Variants in MAEL observed in about 807,000 individuals in gnomAD.
MAEL encodes the protein maelstrom spermatogenic transposon silencer, also known as protein maelstrom homolog.
Under a neutral mutation model 62.0 loss-of-function variants are expected in MAEL, and 46 were observed. That is an observed-to-expected ratio of 0.74 (90% confidence interval 0.59 to 0.95). The LOEUF is 0.95. Ranked by LOEUF, MAEL falls within the 40% of genes least tolerant of loss-of-function variation. MAEL has a pLI of 0.00. For missense variants in MAEL, 497 were observed against 526.8 expected (o/e 0.94, Z 0.55); for synonymous variants, 172 against 175.5 (o/e 0.98, Z 0.16).
chr1:166,984,248 C>T (rs550005101), upstream of MAEL, among the ~76,000 whole-genome samples: 39 of 152,236 alleles, frequency 2.6e-4, no homozygotes, highest in East Asian at 1.5e-3. Flanking sequence ...CAATTTGAGC[C>T]CAGCCTTTCC....
At chr1:166,981,070 A>T (rs191743953) in intron 1 of MAEL, among the ~76,000 whole-genome samples, 2 of 152,328 alleles carry the variant, frequency 1.3e-5, no homozygotes, top group East Asian at 3.9e-4. Context: ...GAAGGCCAGA[A>T]CATGGAGCAC....
At chr1:167,019,705 A>G (rs1665545748) in intron 10 of MAEL, among the ~76,000 whole-genome samples, 1 of 152,018 alleles carries the variant, frequency 6.6e-6, no homozygotes, top group Non-Finnish European at 1.5e-5. Flanking sequence ...AGACTTCTTT[A>G]TATAGTCTCC....
chr1:166,994,770 A>G (rs959951348), intron 5 of MAEL, among the ~76,000 whole-genome samples: 2 of 150,770 alleles, frequency 1.3e-5, no homozygotes, highest in African/African-American at 4.9e-5. Context: ...CCTTGGTTCA[A>G]GCAATTCTTC....
upstream of MAEL, among the ~76,000 whole-genome samples, chr1:166,987,079 T>C (rs1045935294): frequency 6.6e-6 from 1 of 151,982 alleles, no homozygotes; most frequent in African/African-American, 2.4e-5. Context: ...TTTAAGTCCA[T>C]AGTTTGATGA....
chr1:167,012,352 A>G (rs1665201306), intron 8 of MAEL: 1 of 152,168 alleles, frequency 6.6e-6, no homozygotes, highest in Non-Finnish European at 1.5e-5. Context: ...AGGCTAGAAT[A>G]TTTATAATTT....
intron 8 of MAEL, among the ~76,000 whole-genome samples, chr1:167,008,500 AT>A (rs1299471028): frequency 6.6e-6 from 1 of 151,928 alleles, no homozygotes; most frequent in Non-Finnish European, 1.5e-5. Context: ...GTGCTCTCTC[AT>A]TTTTTTGTAA....
chr1:166,975,802 C>T (rs1204393601), intron 1 of MAEL: 1 of 152,094 alleles, frequency 6.6e-6, no homozygotes, highest in Admixed American at 6.5e-5. Flanking sequence ...GGGACGCCCG[C>T]GCTCGGGAAC....
chr1:166,985,796 C>G (rs1382689444), upstream of MAEL, among the ~76,000 whole-genome samples: 2 of 152,044 alleles, frequency 1.3e-5, no homozygotes, highest in Non-Finnish European at 2.9e-5. Context: ...ACAAAAGAAG[C>G]AGGACAACAT....
At chr1:167,008,467 G>A (rs1397905540) in intron 8 of MAEL, among the ~76,000 whole-genome samples, 1 of 151,860 alleles carries the variant, frequency 6.6e-6, no homozygotes, top group Non-Finnish European at 1.5e-5. Context: ...CTGTTTCAAT[G>A]GTTATCTTGT....
At position 167,004,175 on chromosome 1, in the gene MAEL, C is replaced by T. The variant is rs1252094006; in HGVS notation, c.524-5C>T. 2 of 1,602,692 alleles carry T rather than the reference C, an allele frequency of 1.2e-6. No individual in the cohort carries two copies. The highest frequency in any genetic ancestry group is 1.7e-6 in the Non-Finnish European group (2 of 1,175,526). On this transcript the variant is annotated splice_region_variant and splice_polypyrimidine_tract_variant and intron_variant, in intron 5 of 11. Coordinates refer to ENST00000367872, the MANE Select transcript of MAEL (RefSeq NM_032858.3). Reference sequence around the variant, plus strand: ...GTTTGAACTTCTCCTTTTTATTTCCCTCAGGTGATTCTAGTCACAAGATTC... The same window carrying T: ...GTTTGAACTTCTCCTTTTTATTTCCTTCAGGTGATTCTAGTCACAAGATTC...
At chr1:166,993,997 T>G (rs3736988) in intron 4 of MAEL, 31 bp from the exon 5 acceptor site, 4 of 1,598,466 alleles carry the variant, frequency 2.5e-6, no homozygotes, top group Non-Finnish European at 2.6e-6. Context: ...TTTAAAATTT[T>G]TGCTTCTCAA....
At chr1:167,005,486 A>C in intron 8 of MAEL, 89 bp downstream of exon 8, 1 of 1,083,708 alleles carries the variant, frequency 9.2e-7, no homozygotes. Context: ...TTTTTATGCA[A>C]TATTTTCCCA....
At position 167,021,840 on chromosome 1, in the gene MAEL, C is replaced by T. The variant is rs776594071; in HGVS notation, c.1290C>T (p.Phe430=). ...CCCAAAAAGATGGATACAAATCTTTCTCTTCCTTATCTTAATGATGGTACT... is the reference window on the plus strand; with the variant it reads ...CCCAAAAAGATGGATACAAATCTTTTTCTTCCTTATCTTAATGATGGTACT... ...YMSQKDGYKS[F]SSLS Residue 430 remains phenylalanine (F), a synonymous_variant, in exon 12 of 12, where the codon TTC becomes TTT. Coordinates refer to ENST00000367872, the MANE Select transcript of MAEL (RefSeq NM_032858.3). 4 of 1,605,694 alleles carry T rather than the reference C, an allele frequency of 2.5e-6. No homozygotes were observed. In the African/African-American group the frequency reaches 4.0e-5, roughly 16 times the overall value.
intron 5 of MAEL, among the ~76,000 whole-genome samples, chr1:166,998,968 G>A (rs1484190581): frequency 6.6e-6 from 1 of 152,052 alleles, no homozygotes; most frequent in African/African-American, 2.4e-5. Flanking sequence ...CATATAAGAT[G>A]GCAAATTTAA....
intron 5 of MAEL, among the ~76,000 whole-genome samples, chr1:167,002,075 C>T (rs549001236): frequency 3.0e-4 from 46 of 152,194 alleles, no homozygotes; most frequent in Non-Finnish European, 5.7e-4. Context: ...GCCACTGTGC[C>T]GGCCTCATGT....
At chr1:166,998,241 T>G (rs542572452) in intron 5 of MAEL, among the ~76,000 whole-genome samples, 1 of 152,324 alleles carries the variant, frequency 6.6e-6, no homozygotes, top group East Asian at 1.9e-4. Context: ...TATTGAATCT[T>G]TATATTTGTA....
At chr1:166,999,723 A>G (rs563320980) in intron 5 of MAEL, among the ~76,000 whole-genome samples, 33 of 152,226 alleles carry the variant, frequency 2.2e-4, no homozygotes, top group Admixed American at 7.2e-4. Flanking sequence ...AGAGAGGATA[A>G]GTCAGTGCCT....
intron 8 of MAEL, among the ~76,000 whole-genome samples, chr1:167,014,334 GT>G (rs1462147593): frequency 6.6e-6 from 1 of 152,186 alleles, no homozygotes; most frequent in Non-Finnish European, 1.5e-5. Flanking sequence ...CTTTAGAATA[GT>G]TTTTCTTAGT....
intron 8 of MAEL, among the ~76,000 whole-genome samples, chr1:167,014,153 TC>T (rs1231972208): frequency 6.6e-6 from 1 of 152,214 alleles, no homozygotes; most frequent in East Asian, 1.9e-4. Context: ...GGAGGCCTCT[TC>T]CTGCTTTTTT....
Sources: allele counts gnomAD v4.1 joint callset (sites outside exome capture counted in the v4.1 genomes callset), GRCh38; gene constraint gnomAD v4.1.1; transcripts MANE v1.5; gene names NCBI Gene and HGNC (gene_info 2026-07-23, HGNC 2026-07-21).